Variants in CDYL2 observed in about 807,000 individuals in gnomAD.
CDYL2 encodes the protein chromodomain Y like 2.
In CDYL2, 23 loss-of-function variants were observed where a neutral mutation model predicts 49.4. The ratio of observed to expected loss-of-function variants is 0.47; its 90% CI spans 0.34 to 0.66. The LOEUF (loss-of-function observed/expected upper bound fraction) is 0.66, where lower values mean the gene tolerates loss of function less well. Among genes scored for constraint, CDYL2 ranks in the 30% least tolerant of loss-of-function variants. CDYL2 has a pLI of 0.01. For missense variants in CDYL2, 678 were observed against 656.4 expected, an observed-to-expected ratio of 1.03 and a Z score of -0.36; for synonymous variants, 360 against 268.8, an observed-to-expected ratio of 1.34 and a Z score of -3.32.
At chr16:80,607,018 G>A (rs1424491329) in intron 6 of CDYL2, among the ~76,000 whole-genome samples, 2 of 152,184 alleles carry the variant, frequency 1.3e-5, no homozygotes, top group African/African-American at 4.8e-5. Context: ...AGGGTTTCCT[G>A]GGATGCAGGA....
At chr16:80,779,056 G>A (rs1226401736) in intron 1 of CDYL2, among the ~76,000 whole-genome samples, 2 of 151,954 alleles carry the variant, frequency 1.3e-5, no homozygotes, top group East Asian at 1.9e-4. Context: ...ATTTTGTCAT[G>A]AGGATAGCCT....
chr16:80,660,909 T>C (rs549608410), intron 2 of CDYL2, among the ~76,000 whole-genome samples: 267 of 152,110 alleles, frequency 1.8e-3, no homozygotes, highest in African/African-American at 5.7e-3. Flanking sequence ...GAAGGAAAGA[T>C]AGAAACTTGT....
At chr16:80,652,387 T>C (rs1908622292) in intron 2 of CDYL2, among the ~76,000 whole-genome samples, 1 of 152,220 alleles carries the variant, frequency 6.6e-6, no homozygotes. Context: ...AATATAGTAG[T>C]ACTGGATTAA....
intron 1 of CDYL2, among the ~76,000 whole-genome samples, chr16:80,724,553 C>T (rs1308538346): frequency 1.3e-5 from 2 of 152,216 alleles, no homozygotes; most frequent in Admixed American, 6.5e-5. Flanking sequence ...GCACATAACA[C>T]ACACATGACA....
At chr16:80,646,788 AAAAC>A (rs1362820763) in intron 2 of CDYL2, among the ~76,000 whole-genome samples, 1 of 152,114 alleles carries the variant, frequency 6.6e-6, no homozygotes, top group East Asian at 1.9e-4. Context: ...ACTCTGTCTC[AAAAC>A]AAACAAACAA....
chr16:80,710,360 A>G (rs969048560), intron 1 of CDYL2, among the ~76,000 whole-genome samples: 2 of 152,244 alleles, frequency 1.3e-5, no homozygotes, highest in Non-Finnish European at 2.9e-5. Context: ...CAGCAGTCAC[A>G]TAACAATATT....
At chr16:80,636,553 C>A (rs1394863778) in intron 2 of CDYL2, among the ~76,000 whole-genome samples, 1 of 152,160 alleles carries the variant, frequency 6.6e-6, no homozygotes, top group Non-Finnish European at 1.5e-5. Flanking sequence ...AGTCAGGAAA[C>A]AACAGGTGCT....
chr16:80,630,568 C>A (rs754861892), intron 3 of CDYL2, among the ~76,000 whole-genome samples: 3 of 152,148 alleles, frequency 2.0e-5, no homozygotes, highest in African/African-American at 7.2e-5. Flanking sequence ...TCGGGGTGGA[C>A]TGCAGGCTCT....
At position 80,804,191 on chromosome 16, in the gene CDYL2, G is replaced by C. The variant is rs1170532892; in HGVS notation, c.-18C>G. 8.3e-6 allele frequency: 11 copies of C among 1,332,032 alleles called. No individual in the cohort carries two copies. The highest frequency in any genetic ancestry group is 9.9e-6 in the Non-Finnish European group (10 of 1,013,060). The allele number at this position is 1,332,032 out of a possible 1,614,324, so 82.5% of individuals were successfully genotyped here. On this transcript the variant is annotated 5_prime_UTR_variant, in exon 1 of 7. Transcript: ENST00000570137. Reference sequence around the variant, plus strand: ...GAAGCCATGCCAGGCTGCGGAACTTGGCTCGCCGGTGTGCGCGTCTGCTCG... The same window carrying C: ...GAAGCCATGCCAGGCTGCGGAACTTCGCTCGCCGGTGTGCGCGTCTGCTCG...
At chr16:80,686,910 G>C (rs536297021) in intron 1 of CDYL2, among the ~76,000 whole-genome samples, 2 of 152,172 alleles carry the variant, frequency 1.3e-5, no homozygotes, top group African/African-American at 2.4e-5. Context: ...AGGTCTTTTA[G>C]ATTTATTAGA....
At chr16:80,643,263 G>A (rs754347174) in intron 2 of CDYL2, among the ~76,000 whole-genome samples, 9 of 152,144 alleles carry the variant, frequency 5.9e-5, no homozygotes, top group East Asian at 1.9e-4. Context: ...TCCAGGTCAC[G>A]CTGATTCAAA....
chr16:80,712,453 G>A (rs139952226), intron 1 of CDYL2, among the ~76,000 whole-genome samples: 697 of 151,820 alleles, frequency 4.6e-3, no homozygotes, highest in African/African-American at 0.016. Context: ...TGTCGGCTGC[G>A]CCTCACATCT....
chr16:80,712,602 A>G (rs1292229682), intron 1 of CDYL2, among the ~76,000 whole-genome samples: 1 of 152,078 alleles, frequency 6.6e-6, no homozygotes, highest in Non-Finnish European at 1.5e-5. Context: ...CTGGAGGCAG[A>G]AAGAAGGTGG....
At chr16:80,732,387 C>A (rs540861013) in intron 1 of CDYL2, among the ~76,000 whole-genome samples, 1 of 152,052 alleles carries the variant, frequency 6.6e-6, no homozygotes, top group Non-Finnish European at 1.5e-5. Context: ...CCCTTTTAGT[C>A]ATCGTGTTGG....
Position 80,604,383 on chromosome 16 carries a change from G to A in CDYL2, c.*5C>T, listed in dbSNP as rs747456052. 3.7e-6 allele frequency: 6 copies of A among 1,613,926 alleles called. No homozygotes were observed. In the Middle Eastern group the frequency reaches 8.3e-4, roughly 223 times the overall value. ...GGAAGTTGGGGGCCCGTGAGCTGGG[G>A]CCCCTCAGACTTCATAAATTTTGTC... On this transcript the variant is annotated 3_prime_UTR_variant, in exon 7 of 7. Coordinates refer to ENST00000570137, the MANE Select transcript of CDYL2 (RefSeq NM_152342.4).
chr16:80,652,930 G>A (rs980399806), intron 2 of CDYL2, among the ~76,000 whole-genome samples: 1 of 152,186 alleles, frequency 6.6e-6, no homozygotes. Context: ...GGCTAAGGAG[G>A]CATGATTAAA....
At chr16:80,752,782 C>A (rs561583977) in intron 1 of CDYL2, among the ~76,000 whole-genome samples, 2 of 152,300 alleles carry the variant, frequency 1.3e-5, no homozygotes, top group Middle Eastern at 3.4e-3. Context: ...CCCGCTGTGG[C>A]TGATGTCAGC....
At chr16:80,651,956 A>G (rs1395691556) in intron 2 of CDYL2, among the ~76,000 whole-genome samples, 1 of 152,200 alleles carries the variant, frequency 6.6e-6, no homozygotes, top group African/African-American at 2.4e-5. Flanking sequence ...GAAGGCTAGA[A>G]TGTGACCACG....
Position 80,681,415 on chromosome 16 carries a change from G to C in CDYL2, c.616+3123C>G, listed in dbSNP as rs577572172. Reference sequence around the variant, plus strand: ...GGGCCTGAACACTGGCTTCAGCAAAGCTTCCCTCTGGCTGAAAACACACAT... The same window carrying C: ...GGGCCTGAACACTGGCTTCAGCAAACCTTCCCTCTGGCTGAAAACACACAT... On this transcript the variant is annotated intron_variant, in intron 2 of 6. Coordinates refer to ENST00000570137, the MANE Select transcript of CDYL2 (RefSeq NM_152342.4). Among the ~76,000 whole-genome samples the C allele has an allele frequency of 5.9e-5, 9 of 152,260 alleles. No homozygotes were observed. In the East Asian group the frequency reaches 1.2e-3, roughly 20 times the overall value.
Sources: gnomAD v4.1 joint callset for allele counts (sites outside exome capture counted in the v4.1 genomes callset) on GRCh38, gnomAD v4.1.1 for gene constraint, MANE v1.5 for transcripts, NCBI Gene and HGNC (gene_info 2026-07-23, HGNC 2026-07-21) for gene names.